ITIH6: variants seen among roughly 807,000 people sequenced by gnomAD.
The protein encoded by ITIH6 is inter-alpha-trypsin inhibitor heavy chain H6.
A neutral mutation model predicts 58.2 loss-of-function variants in ITIH6; 60 were observed. The observed-to-expected ratio is 1.03, with a 90% confidence interval of 0.84 to 1.28. The LOEUF (loss-of-function observed/expected upper bound fraction) is 1.28, where lower values mean the gene tolerates loss of function less well. Among genes scored for constraint, ITIH6 ranks in the 50% most tolerant of loss-of-function variants. ITIH6 has a pLI of 0.00. For missense variants in ITIH6, 1,290 were observed against 1,021.1 expected, an observed-to-expected ratio of 1.26 and a Z score of -3.59; for synonymous variants, 493 against 417.4, an observed-to-expected ratio of 1.18 and a Z score of -2.21.
At chrX:54,763,371 GC>G (rs1464572446) in intron 6 of ITIH6, among the ~76,000 whole-genome samples, 4 of 111,417 alleles carry the variant, frequency 3.6e-5, no homozygotes, top group Non-Finnish European at 7.5e-5. Flanking sequence ...AAAAGTGAGA[GC>G]CTATGAGGTC....
Position 54,751,159 on chromosome X carries a change from C to T in ITIH6, c.3574G>A (p.Ala1192Thr). ...CGGAGGGTAAGGCGGGCTGCAGCAG[C>T]CACATAGAGCTCCAGCTGGGGCCTC... ...LKRPQLELYV[A>T]AAARLTLRLG... Residue 1192 changes from alanine to threonine, a missense_variant, in exon 12 of 13, where the codon GCT becomes ACT. Transcript: ENST00000218436. 8.3e-7 allele frequency: 1 copy of T among 1,211,095 alleles called. No homozygotes were observed. The highest frequency in any genetic ancestry group is 1.1e-6 in the Non-Finnish European group (1 of 895,076).
chrX:54,751,249 T>A lies in ITIH6; in HGVS notation c.3484A>T (p.Ser1162Cys). Residue 1162 changes from serine to cysteine, a missense_variant, in exon 12 of 13, where the codon AGT (serine) becomes TGT (cysteine). Transcript: ENST00000218436. ...CCCTCGCCTCGCAAAGATATAGAAC[T>A]GCGGCTGATGGTGATAGTATAGGCC... The part of the protein sequence containing the change: ...PRAYTITISR[S>C]SISLRGEGTL... The A allele has an allele frequency of 2.5e-6, 3 of 1,211,583 alleles. No homozygotes were observed. The highest frequency in any genetic ancestry group is 3.4e-6 in the Non-Finnish European group (3 of 895,463).
intron 8 of ITIH6, 53 bp downstream of exon 8, chrX:54,756,912 C>T (rs1438972498): frequency 1.3e-6 from 1 of 773,928 alleles, no homozygotes; most frequent in South Asian, 2.8e-5. Context: ...GCTCCTGGTA[C>T]TGTCCATTCA....
chrX:54,750,139 G>A lies in ITIH6; in HGVS notation c.3731-33C>T, dbSNP rs752287196. 18 of 1,081,435 alleles carry A rather than the reference G, an allele frequency of 1.7e-5. No individual in the cohort carries two copies. The Admixed American group carries it at 4.3e-4, about 26-fold the overall frequency. 89.1% of individuals were successfully genotyped at this position (1,081,435 alleles called of 1,213,427 possible). Reference sequence around the variant, plus strand: ...AGAGAGATGCAGTGCTAGTCAGGGAGGTGGCCTGAGTCCCTGCTCAGAGAT... The same window carrying A: ...AGAGAGATGCAGTGCTAGTCAGGGAAGTGGCCTGAGTCCCTGCTCAGAGAT... On this transcript the variant is annotated intron_variant, in intron 12 of 12. Transcript: ENST00000218436.
At chrX:54,786,883 C>T (rs755271293) in intron 5 of ITIH6, among the ~76,000 whole-genome samples, 1 of 111,456 alleles carries the variant, frequency 9.0e-6, no homozygotes, top group East Asian at 2.8e-4. Flanking sequence ...AGATTAGGTG[C>T]CCAGTGAGCC....
chrX:54,797,969 C>A, intron 1 of ITIH6, 140 bp downstream of exon 1: 1 of 456,534 alleles, frequency 2.2e-6, no homozygotes, highest in Non-Finnish European at 3.8e-6. Flanking sequence ...ATGTGCTCAG[C>A]AAATAGTACC....
At chrX:54,784,406 C>T (rs1929206204) in intron 5 of ITIH6, among the ~76,000 whole-genome samples, 1 of 111,178 alleles carries the variant, frequency 9.0e-6, no homozygotes, top group African/African-American at 3.3e-5. Context: ...AAGAGACAAC[C>T]CACAGAATGG....
chrX:54,793,231 C>G (rs1354760532), intron 2 of ITIH6, among the ~76,000 whole-genome samples: 1 of 111,444 alleles, frequency 9.0e-6, no homozygotes, highest in South Asian at 3.8e-4. Context: ...TCATGGAATA[C>G]TATGCAGCCA....
intron 9 of ITIH6, among the ~76,000 whole-genome samples, chrX:54,754,773 T>C (rs1928452944): frequency 8.9e-6 from 1 of 112,290 alleles, no homozygotes; most frequent in South Asian, 3.7e-4. Flanking sequence ...GACAGACACC[T>C]TGATTTCAAT....
At position 54,755,113 on chromosome X, in the gene ITIH6, C is replaced by T. The variant is rs1474763112; in HGVS notation, c.3110-4G>A. 1 of 1,195,109 alleles carries T rather than the reference C, an allele frequency of 8.4e-7. No individual in the cohort carries two copies. Among genetic ancestry groups the T allele is most frequent in the Admixed American group, 2.2e-5 (1 of 45,590 alleles). ...TTGCCATCCCAGTTTGGACTTCCTG[C>T]CAAGCACAAAAGAAATAAGAAAACC... On this transcript the variant is annotated splice_region_variant and splice_polypyrimidine_tract_variant and intron_variant, in intron 8 of 12. Transcript: ENST00000218436.
At position 54,788,471 on chromosome X, in the gene ITIH6, C is replaced by T; in HGVS notation, c.786+9G>A. 1.7e-6 allele frequency: 2 copies of T among 1,206,212 alleles called. No homozygotes were observed. The highest frequency in any genetic ancestry group is 2.2e-6 in the Non-Finnish European group (2 of 891,281). ...CCCATCCTCTCTCCTCTTCCCCAGG[C>T]CCCCTCACCTGCACGTCTCCAATGA... is the stretch of plus-strand genomic sequence containing the variant. On this transcript the variant is annotated intron_variant, in intron 5 of 12. Coordinates refer to ENST00000218436, the MANE Select transcript of ITIH6 (RefSeq NM_198510.3).
chrX:54,751,386 G>A lies in ITIH6; in HGVS notation c.3353-6C>T, dbSNP rs757557406. The A allele has an allele frequency of 3.8e-5, 46 of 1,206,757 alleles. No individual in the cohort carries two copies. The highest frequency in any genetic ancestry group is 8.9e-5 in the South Asian group (5 of 56,403). The stretch of plus-strand genomic sequence containing the variant: ...CTTCCCACTCACATGCAGCCCTGGA[G>A]GGAGGGGAGTGTGGGCCTGGAGCGG... On this transcript the variant is annotated splice_polypyrimidine_tract_variant and splice_region_variant and intron_variant, in intron 11 of 12. Coordinates refer to ENST00000218436, the MANE Select transcript of ITIH6 (RefSeq NM_198510.3).
chrX:54,763,976 G>A (rs1386934108), intron 6 of ITIH6, among the ~76,000 whole-genome samples: 1 of 112,006 alleles, frequency 8.9e-6, no homozygotes, highest in Non-Finnish European at 1.9e-5. Context: ...TTGCTTTGAA[G>A]TCTATTTTGT....
intron 6 of ITIH6, among the ~76,000 whole-genome samples, chrX:54,761,357 A>G (rs1440460071): frequency 7.2e-5 from 8 of 111,519 alleles, no homozygotes; most frequent in African/African-American, 2.3e-4. Context: ...AGATGAATAG[A>G]TTGCAAAAAT....
In ITIH6 at chrX:54,790,866, G is replaced by T; in HGVS notation, c.587C>A (p.Thr196Asn). ...ISYVHIPPLR[T>N]GRLRTNAHAS... ...ATGGGCATTGGTGCGCAGACGGCCGGTCCTCAGGGGTGGTATGTGCACATA... is the reference window on the plus strand; with the variant it reads ...ATGGGCATTGGTGCGCAGACGGCCGTTCCTCAGGGGTGGTATGTGCACATA... Residue 196 changes from threonine to asparagine, a missense_variant, in exon 4 of 13, where the codon ACC (threonine) becomes AAC (asparagine). Physicochemically the swap from Thr to Asn is moderately conservative, Grantham distance 65. Coordinates refer to ENST00000218436, the MANE Select transcript of ITIH6 (RefSeq NM_198510.3). 1 of 1,212,154 alleles carries T rather than the reference G, an allele frequency of 8.2e-7. No homozygotes were observed. The highest frequency in any genetic ancestry group is 1.1e-6 in the Non-Finnish European group (1 of 895,545).
Position 54,796,962 on chromosome X carries a change from G to A in ITIH6, c.237C>T (p.Ala79=), listed in dbSNP as rs760435008. 10 of 1,209,433 alleles carry A rather than the reference G, an allele frequency of 8.3e-6. No homozygotes were observed. Among genetic ancestry groups the A allele is most frequent in the African/African-American group, 3.5e-5 (2 of 57,158 alleles). Residue 79 remains alanine (A), a synonymous_variant, in exon 2 of 13, where the codon GCC becomes GCT. Coordinates refer to ENST00000218436, the MANE Select transcript of ITIH6 (RefSeq NM_198510.3). ...CTTACATAGTGAAATTGGAGATAAA[G>A]GCAAGATGAGGCAGATCCAGGTCAA... is the stretch of plus-strand genomic sequence containing the variant. ...AIFDLDLPHL[A]FISNFTMTIN...
At position 54,751,320 on chromosome X, in the gene ITIH6, G is replaced by A. The variant is rs866632624; in HGVS notation, c.3413C>T (p.Thr1138Ile). 3 of 1,210,342 alleles carry A rather than the reference G, an allele frequency of 2.5e-6. No individual in the cohort carries two copies. Among genetic ancestry groups the A allele is most frequent in the Non-Finnish European group, 1.1e-6 (1 of 895,163 alleles). ...APPRPGHKDQ[T>I]RTYFQIITVT... ...TGTGATGATCTGGAAGTAGGTGCGAGTCTGGTCCTTGTGGCCCGGCCTTGG... is the reference window on the plus strand; with the variant it reads ...TGTGATGATCTGGAAGTAGGTGCGAATCTGGTCCTTGTGGCCCGGCCTTGG... Residue 1138 changes from threonine (T) to isoleucine (I), a missense_variant, in exon 12 of 13, where the codon ACT becomes ATT. Transcript: ENST00000218436.
chrX:54,757,441 T>C lies in ITIH6; in HGVS notation c.2633A>G (p.Asn878Ser). ...TAGTGGGGTTTGAGGCATATGGGGG[T>C]TTGGGGTCTCAGGCTTGGAAAGTGA... Reference protein sequence around the residue: ...SISLSKPETPNPHMPQTPLPP... With the variant: ...SISLSKPETPSPHMPQTPLPP... The change falls in exon 8 of 13, where the codon AAC becomes AGC. Residue 878 changes from asparagine to serine, a missense_variant. Physicochemically the swap from Asn to Ser is conservative, Grantham distance 46. Coordinates refer to ENST00000218436, the MANE Select transcript of ITIH6 (RefSeq NM_198510.3). 8.3e-7 allele frequency: 1 copy of C among 1,209,100 alleles called. No homozygotes were observed. The highest frequency in any genetic ancestry group is 2.3e-4 in the Middle Eastern group (1 of 4,345).
intron 6 of ITIH6, among the ~76,000 whole-genome samples, chrX:54,770,032 T>C (rs1158782029): frequency 1.8e-5 from 2 of 111,129 alleles, no homozygotes; most frequent in Non-Finnish European, 3.8e-5. Flanking sequence ...ATCAGCGAGA[T>C]TCCGTGGGCG....
Sources: gnomAD v4.1 joint callset for allele counts (sites outside exome capture counted in the v4.1 genomes callset) on GRCh38, gnomAD v4.1.1 for gene constraint, MANE v1.5 for transcripts, NCBI Gene and HGNC (gene_info 2026-07-23, HGNC 2026-07-21) for gene names.